Variants in TMEM242 observed in about 807,000 individuals in gnomAD.
TMEM242 encodes UPF0463 transmembrane protein C6orf35.
TMEM242 carries 10 observed loss-of-function variants against 18.2 expected under a neutral mutation model. That is an observed-to-expected ratio of 0.55 (90% CI 0.34 to 0.93). The LOEUF is 0.93. Ranked by LOEUF, TMEM242 falls within the 40% of genes least tolerant of loss-of-function variation. The pLI is 0.02. For missense variants in TMEM242, 186 were observed against 175.5 expected, an observed-to-expected ratio of 1.06 and a Z score of -0.34; for synonymous variants, 57 against 69.9, an observed-to-expected ratio of 0.81 and a Z score of 0.92.
At chr6:157,315,802 T>A (rs1366732254) in intron 3 of TMEM242, among the ~76,000 whole-genome samples, 1 of 152,226 alleles carries the variant, frequency 6.6e-6, no homozygotes. Context: ...CGTATCTGCT[T>A]TGTTTGGTAA....
chr6:157,316,384 T>A (rs944104004), intron 3 of TMEM242, among the ~76,000 whole-genome samples: 4 of 152,212 alleles, frequency 2.6e-5, no homozygotes, highest in African/African-American at 9.6e-5. Context: ...ATAGTTATTA[T>A]GAAGATTAAA....
At chr6:157,307,609 G>A (rs1389877963) in intron 3 of TMEM242, among the ~76,000 whole-genome samples, 13 of 152,142 alleles carry the variant, frequency 8.5e-5, no homozygotes, top group Admixed American at 3.3e-4. Flanking sequence ...TGTCCACTAC[G>A]ATGTTAAACC....
intron 3 of TMEM242, among the ~76,000 whole-genome samples, chr6:157,310,954 A>G (rs374117316): frequency 0.041 from 61 of 1,472 alleles, no homozygotes; most frequent in East Asian, 0.18. Context: ...CCCAGTGTGC[A>G]CTCACCTGGC....
chr6:157,302,752 C>T (rs186337398), intron 3 of TMEM242, among the ~76,000 whole-genome samples: 6 of 152,310 alleles, frequency 3.9e-5, no homozygotes, highest in Admixed American at 3.9e-4. Flanking sequence ...GCTCATTATT[C>T]CTTCTGAATT....
At chr6:157,313,064 TAGGGTCCC>T (rs1778238965) in intron 3 of TMEM242, among the ~76,000 whole-genome samples, 2 of 143,702 alleles carry the variant, frequency 1.4e-5, no homozygotes, top group Admixed American at 6.9e-5. Context: ...GGCCTCATCA[TAGGGTCCC>T]AGTATGCACT....
chr6:157,318,893 C>T lies in TMEM242; in HGVS notation c.216G>A (p.Pro72=), dbSNP rs376664299. 1.3e-4 allele frequency: 203 copies of T among 1,609,732 alleles called. No individual in the cohort carries two copies. Among genetic ancestry groups the T allele is most frequent in the Non-Finnish European group, 1.6e-4 (187 of 1,178,638 alleles). ...NKGSMATAAL[P]ESGSSLALRA... ...GCAAGGCAAGGGAAGACCCGCTTTC[C>T]GGTAATGCAGCCGTGGCCATACTTC... is the stretch of plus-strand genomic sequence containing the variant. The change falls in exon 3 of 4, where the codon CCG becomes CCA. Residue 72 remains proline (P), a synonymous_variant. Coordinates refer to ENST00000400788, the MANE Select transcript of TMEM242 (RefSeq NM_018452.6).
At chr6:157,304,523 T>G (rs1177926168) in intron 3 of TMEM242, among the ~76,000 whole-genome samples, 2 of 122,870 alleles carry the variant, frequency 1.6e-5, no homozygotes, top group African/African-American at 6.3e-5. Flanking sequence ...TGAAATGAAA[T>G]GGTAGAAGTG....
At chr6:157,312,358 T>TGCCCCAGTGTGCGCTCACCTAG (rs1583568744) in intron 3 of TMEM242, among the ~76,000 whole-genome samples, 9 of 12,670 alleles carry the variant, frequency 7.1e-4, no homozygotes, top group South Asian at 2.0e-3. Context: ...CCTCATCATG[T>TGCCCCAGTGTGCGCTCACCTAG]CCCAGTGTGC....
chr6:157,309,542 C>T (rs1373474226), intron 3 of TMEM242, among the ~76,000 whole-genome samples: 1 of 152,092 alleles, frequency 6.6e-6, no homozygotes, highest in Non-Finnish European at 1.5e-5. Flanking sequence ...GCACGTGCCA[C>T]CATGCCTGGC....
intron 3 of TMEM242, among the ~76,000 whole-genome samples, chr6:157,293,672 TG>T (rs1175186697): frequency 6.6e-6 from 1 of 152,150 alleles, no homozygotes; most frequent in Non-Finnish European, 1.5e-5. Flanking sequence ...TTTTTGTTTT[TG>T]TTTTTTTAAA....
At chr6:157,301,411 A>G (rs1474318700) in intron 3 of TMEM242, among the ~76,000 whole-genome samples, 1 of 151,988 alleles carries the variant, frequency 6.6e-6, no homozygotes. Flanking sequence ...TCCCAGGTTC[A>G]AGCCATTCTC....
intron 3 of TMEM242, among the ~76,000 whole-genome samples, chr6:157,298,152 G>C (rs140417518): frequency 0.032 from 4,930 of 152,266 alleles, 132 homozygotes; most frequent in Admixed American, 0.047. Context: ...AACCCAGGAG[G>C]CTCTTAGAGC....
chr6:157,323,453 TCCAGCCCAGAGG>T lies in TMEM242; in HGVS notation c.35_46del (p.Ala12_Leu15del). 6.2e-7 allele frequency: 1 copy of T among 1,614,072 alleles called. No homozygotes were observed. ...CCGGTCATTCGTGGACCCCGGAGCC[TCCAGCCCAGAGG>T]CCGGCTGCCCAGTTGCAGCGCCCGC... is the stretch of plus-strand genomic sequence containing the variant. On this transcript the variant is annotated inframe_deletion, in exon 1 of 4. Coordinates refer to ENST00000400788, the MANE Select transcript of TMEM242 (RefSeq NM_018452.6).
intron 3 of TMEM242, among the ~76,000 whole-genome samples, chr6:157,310,639 C>G (rs959129941): frequency 6.6e-6 from 1 of 152,010 alleles, no homozygotes; most frequent in Non-Finnish European, 1.5e-5. Flanking sequence ...TCATAGTGTC[C>G]CAGTGTTCGC....
chr6:157,300,193 A>G (rs111523689), intron 3 of TMEM242: 1 of 476,320 alleles, frequency 2.1e-6, no homozygotes. Flanking sequence ...TCGCAACGCC[A>G]AGAGAGCCAT....
chr6:157,311,078 G>GCA lies in TMEM242; in HGVS notation c.327+7703_327+7704insTG, dbSNP rs1778045501. Among the ~76,000 whole-genome samples the GCA allele has an allele frequency of 2.7e-5, 4 of 145,744 alleles. 1 individual carries two copies. The highest frequency in any genetic ancestry group is 1.1e-4 in the African/African-American group (4 of 38,040). ...TAACCCCATCATAGTGCCCCAGTGT[G>GCA]CTCACACCTAGCCACATCATAGTGT... On this transcript the variant is annotated intron_variant, in intron 3 of 3. Coordinates refer to ENST00000400788, the MANE Select transcript of TMEM242 (RefSeq NM_018452.6).
intron 3 of TMEM242, among the ~76,000 whole-genome samples, chr6:157,300,435 A>T (rs1356725429): frequency 6.6e-6 from 1 of 152,258 alleles, no homozygotes; most frequent in Non-Finnish European, 1.5e-5. Context: ...CGGAATTACT[A>T]GTTTTCTATT....
At chr6:157,314,362 G>GTGTGCGCTAAACTAGTCT (rs1778343810) in intron 3 of TMEM242, among the ~76,000 whole-genome samples, 3 of 149,516 alleles carry the variant, frequency 2.0e-5, no homozygotes, top group Admixed American at 1.3e-4. Flanking sequence ...TAGTGTCCCA[G>GTGTGCGCTAAACTAGTCT]CATGCATTCC....
At chr6:157,303,886 C>T (rs1447603134) in intron 3 of TMEM242, among the ~76,000 whole-genome samples, 1 of 151,872 alleles carries the variant, frequency 6.6e-6, no homozygotes, top group Non-Finnish European at 1.5e-5. Context: ...TTTACTTTGT[C>T]AGCAACACTG....
Sources: allele counts gnomAD v4.1 joint callset (sites outside exome capture counted in the v4.1 genomes callset), GRCh38; gene constraint gnomAD v4.1.1; transcripts MANE v1.5; gene names NCBI Gene and HGNC (gene_info 2026-07-23, HGNC 2026-07-21).